The following ADGRV1 variants were observed in gnomAD, a reference collection of about 807,000 sequenced individuals.
ADGRV1 encodes the protein G-protein coupled receptor 98.
In ADGRV1, 359 loss-of-function variants were observed where a neutral mutation model predicts 596.2. The observed-to-expected ratio is 0.60, with a 90% confidence interval of 0.55 to 0.66. The LOEUF is 0.66. ADGRV1 is among the 30% of genes least tolerant of loss of function. The pLI, the probability that ADGRV1 is intolerant of heterozygous loss-of-function variation, is 0.00. For missense variants in ADGRV1, 7,274 were observed against 7,575.6 expected (o/e 0.96, Z 1.48); for synonymous variants, 2,681 against 2,679.2 (o/e 1.00, Z -0.02).
rs746177252 is a variant in ADGRV1 at position 90,681,464 on chromosome 5, T to A, written c.5664+10T>A. The A allele has an allele frequency of 6.2e-7, 1 of 1,601,268 alleles. No individual in the cohort carries two copies. The highest frequency in any genetic ancestry group is 8.5e-7 in the Non-Finnish European group (1 of 1,171,580). ...CACTGTTACATTAAATGTGAGTACC[T>A]TTTCTTCCTTCATTCCTAGACACTT... On this transcript the variant is annotated intron_variant, in intron 27 of 89. Coordinates refer to ENST00000405460, the MANE Select transcript of ADGRV1 (RefSeq NM_032119.4).
At chr5:91,019,334 G>A (rs1254859793) in intron 85 of ADGRV1, among the ~76,000 whole-genome samples, 1 of 152,044 alleles carries the variant, frequency 6.6e-6, no homozygotes, top group African/African-American at 2.4e-5. Flanking sequence ...AGTAAGGAAA[G>A]TAGCAGTGGG....
chr5:90,788,394 A>T, intron 68 of ADGRV1, 84 bp downstream of exon 68: 1 of 1,269,226 alleles, frequency 7.9e-7, no homozygotes, highest in Non-Finnish European at 1.1e-6. Flanking sequence ...AAACTCTATA[A>T]GCTTGTGATA....
intron 77 of ADGRV1, among the ~76,000 whole-genome samples, chr5:90,831,523 G>A (rs1764529616): frequency 6.6e-6 from 1 of 151,644 alleles, no homozygotes; most frequent in South Asian, 2.1e-4. Flanking sequence ...GGATAAATGG[G>A]GTATCCACCA....
chr5:90,566,709 TA>T (rs1178197796), intron 1 of ADGRV1, among the ~76,000 whole-genome samples: 3 of 152,132 alleles, frequency 2.0e-5, no homozygotes, highest in Admixed American at 2.0e-4. Context: ...TGAACTCTTT[TA>T]TTTTTTTATG....
intron 75 of ADGRV1, among the ~76,000 whole-genome samples, chr5:90,816,474 G>T (rs577407503): frequency 1.3e-5 from 2 of 149,596 alleles, no homozygotes; most frequent in African/African-American, 4.9e-5. Context: ...GGTTTGTTAC[G>T]TATGTACACA....
At chr5:90,770,491 A>G (rs958258457) in intron 59 of ADGRV1, among the ~76,000 whole-genome samples, 1 of 152,134 alleles carries the variant, frequency 6.6e-6, no homozygotes, top group African/African-American at 2.4e-5. Flanking sequence ...TGATTCCTTC[A>G]TTAGTGAAAT....
intron 83 of ADGRV1, among the ~76,000 whole-genome samples, chr5:90,873,684 G>A (rs1768930914): frequency 6.6e-6 from 1 of 152,056 alleles, no homozygotes; most frequent in Admixed American, 6.6e-5. Flanking sequence ...AGTCCCAGCT[G>A]CTCTGGAGGT....
chr5:90,756,774 T>C (rs1755874786), intron 56 of ADGRV1, 144 bp downstream of exon 56: 1 of 806,968 alleles, frequency 1.2e-6, no homozygotes, highest in South Asian at 2.0e-5. Flanking sequence ...CTTAGGTCTC[T>C]TTGGGCTAGA....
rs753295359 is a variant in ADGRV1 at position 90,635,179 on chromosome 5, A to T, written c.1905A>T (p.Glu635Asp). Residue 635 changes from glutamate (E) to aspartate (D), a missense_variant, in exon 10 of 90, where the codon GAA (glutamate) becomes GAT (aspartate). Glu to Asp is a conservative substitution (Grantham distance 45). This residue lies in a region of ADGRV1 where 1,715 missense variants were observed against 1,708.8 expected (regional missense o/e 1.00). Coordinates refer to ENST00000405460, the MANE Select transcript of ADGRV1 (RefSeq NM_032119.4). ...CACCCATAAGCCCTAGATTTGGGGA[A>T]ATCTGCAATATTTCTTTACTGGTTA... is the stretch of plus-strand genomic sequence containing the variant. The part of the protein sequence containing the change: ...LIPPISPRFG[E>D]ICNISLLVTP... The T allele has an allele frequency of 1.2e-6, 2 of 1,612,182 alleles. No individual in the cohort carries two copies. The highest frequency in any genetic ancestry group is 1.7e-6 in the Non-Finnish European group (2 of 1,178,338).
At chr5:90,591,446 A>G (rs991031558) in intron 1 of ADGRV1, among the ~76,000 whole-genome samples, 1 of 152,154 alleles carries the variant, frequency 6.6e-6, no homozygotes, top group Non-Finnish European at 1.5e-5. Flanking sequence ...CACTTCTGAA[A>G]TTATGTAAAT....
chr5:90,647,687 G>A lies in ADGRV1; in HGVS notation c.3212G>A (p.Ser1071Asn), dbSNP rs752410892. The change falls in exon 17 of 90, where the codon AGC becomes AAC. Residue 1071 changes from serine (S) to asparagine (N), a missense_variant. Transcript: ENST00000405460. ...LIFEVGSRQQ[S>N]ISIFVNEDGI... is the part of the protein sequence containing the mutation. Reference sequence around the variant, plus strand: ...TTTGAGGTTGGAAGTAGACAGCAGAGCATATCCATATTTGTTAATGAAGAT... The same window carrying A: ...TTTGAGGTTGGAAGTAGACAGCAGAACATATCCATATTTGTTAATGAAGAT... The A allele has an allele frequency of 3.2e-5, 52 of 1,613,692 alleles. No individual in the cohort carries two copies. The highest frequency in any genetic ancestry group is 4.2e-5 in the Non-Finnish European group (49 of 1,179,720).
chr5:90,998,092 T>G (rs1781561852), intron 85 of ADGRV1, among the ~76,000 whole-genome samples: 1 of 152,216 alleles, frequency 6.6e-6, no homozygotes, highest in Admixed American at 6.5e-5. Context: ...TTACATCATT[T>G]CCATCCTTTT....
At chr5:90,993,154 C>CTTTTTTTTTTT (rs1235025923) in intron 85 of ADGRV1, among the ~76,000 whole-genome samples, 3 of 97,642 alleles carry the variant, frequency 3.1e-5, no homozygotes, top group African/African-American at 4.1e-5. Flanking sequence ...TTGGTTTTCA[C>CTTTTTTTTTTT]TTTTTTTTTT....
intron 83 of ADGRV1, among the ~76,000 whole-genome samples, chr5:90,929,813 C>T (rs553057137): frequency 9.6e-4 from 146 of 152,268 alleles, no homozygotes; most frequent in African/African-American, 3.2e-3. Context: ...CATTGACTAC[C>T]TTTAAGTTGT....
chr5:90,755,680 GAGAA>G (rs200185316), intron 55 of ADGRV1, among the ~76,000 whole-genome samples: 3,600 of 151,826 alleles, frequency 0.024, 130 homozygotes, highest in African/African-American at 0.082. Context: ...GAGAAGAACA[GAGAA>G]AGAGAGGGGG....
chr5:90,709,192 T>G (rs1748998827), intron 39 of ADGRV1, among the ~76,000 whole-genome samples: 1 of 152,202 alleles, frequency 6.6e-6, no homozygotes, highest in South Asian at 2.1e-4. Context: ...GTATTTTCCT[T>G]TCATTTTCTT....
At chr5:90,567,989 C>T (rs559109680) in intron 1 of ADGRV1, among the ~76,000 whole-genome samples, 132 of 152,250 alleles carry the variant, frequency 8.7e-4, no homozygotes, top group Admixed American at 2.7e-3. Context: ...CCACCCGCCT[C>T]GGCCTCCCAA....
chr5:90,992,064 C>T (rs1781012585), intron 85 of ADGRV1, among the ~76,000 whole-genome samples: 1 of 152,190 alleles, frequency 6.6e-6, no homozygotes, highest in Non-Finnish European at 1.5e-5. Flanking sequence ...AAAATAGCAA[C>T]CTTAGACTAG....
intron 1 of ADGRV1, among the ~76,000 whole-genome samples, chr5:90,569,742 GT>G (rs1309728934): frequency 6.6e-6 from 1 of 150,512 alleles, no homozygotes; most frequent in Non-Finnish European, 1.5e-5. Context: ...TTTATTATTG[GT>G]TACCCTGGGG....
Sources: allele counts gnomAD v4.1 joint callset (sites outside exome capture counted in the v4.1 genomes callset), GRCh38; gene constraint gnomAD v4.1.1; regional missense constraint gnomAD v4.1.1; transcripts MANE v1.5; gene names NCBI Gene and HGNC (gene_info 2026-07-23, HGNC 2026-07-21).